The following RHOH variants were observed in gnomAD, a reference collection of about 807,000 sequenced individuals.
The protein encoded by RHOH is rho-related GTP-binding protein RhoH.
Under a neutral mutation model 13.8 loss-of-function variants are expected in RHOH, and 6 were observed. The observed-to-expected ratio is 0.44, with a 90% CI of 0.24 to 0.86. The LOEUF (loss-of-function observed/expected upper bound fraction) is 0.86. Ranked by LOEUF, RHOH falls within the 40% of genes least tolerant of loss-of-function variation. The pLI is 0.24. For synonymous variants in RHOH, 117 were observed against 103.0 expected, an observed-to-expected ratio of 1.14 and a Z score of -0.82; for missense variants, 147 against 244.5, an observed-to-expected ratio of 0.60 and a Z score of 2.66.
chr4:40,228,571 G>A (rs781591389), intron 1 of RHOH, among the ~76,000 whole-genome samples: 1 of 152,054 alleles, frequency 6.6e-6, no homozygotes, highest in Non-Finnish European at 1.5e-5. Flanking sequence ...GGTTGGGGAT[G>A]GGGGGAACCT....
At chr4:40,206,315 T>C (rs1724631582) in intron 1 of RHOH, among the ~76,000 whole-genome samples, 1 of 152,196 alleles carries the variant, frequency 6.6e-6, no homozygotes, top group Non-Finnish European at 1.5e-5. Flanking sequence ...CTCCCTTTCT[T>C]GCATTTTTTT....
intron 1 of RHOH, among the ~76,000 whole-genome samples, chr4:40,222,219 G>A (rs1022259746): frequency 6.6e-6 from 1 of 152,202 alleles, no homozygotes; most frequent in African/African-American, 2.4e-5. Context: ...TTATCCAGAA[G>A]ATCTAGCTAA....
At chr4:40,204,394 C>T (rs1053639782) in intron 1 of RHOH, among the ~76,000 whole-genome samples, 10 of 152,236 alleles carry the variant, frequency 6.6e-5, no homozygotes, top group Non-Finnish European at 1.0e-4. Context: ...TCTACAAGCA[C>T]GCGCTGACTA....
chr4:40,213,360 C>CTTT (rs11358011), intron 1 of RHOH, among the ~76,000 whole-genome samples: 2 of 144,008 alleles, frequency 1.4e-5, no homozygotes, highest in Non-Finnish European at 1.5e-5. Context: ...TCTCGTTTCT[C>CTTT]TTTTTTTTTT....
intron 1 of RHOH, among the ~76,000 whole-genome samples, chr4:40,199,179 G>A (rs1281542516): frequency 2.0e-5 from 3 of 152,084 alleles, no homozygotes; most frequent in Non-Finnish European, 4.4e-5. Context: ...GGTTGTCGTA[G>A]AGATCAAATG....
intron 1 of RHOH, among the ~76,000 whole-genome samples, chr4:40,226,540 A>T (rs2381504): frequency 7.2e-6 from 1 of 138,002 alleles, no homozygotes. Flanking sequence ...AAAAAAAAAA[A>T]AAAAAGAAAA....
rs113704722 is a variant in RHOH at position 40,234,829 on chromosome 4, G to A, written c.-330-7885G>A. ...GGCATTGAACTCCTGGCCTCAAGTG[G>A]TCCTTCCACATCAGCCTCCCAAAGC... is the stretch of plus-strand genomic sequence containing the variant. On this transcript the variant is annotated intron_variant, in intron 1 of 2. Transcript: ENST00000381799. Among the ~76,000 whole-genome samples the A allele has an allele frequency of 6.9e-5, 10 of 144,734 alleles. 1 individual carries two copies. The highest frequency in any genetic ancestry group is 2.9e-4 in the Admixed American group (4 of 13,820). 95.0% of individuals were successfully genotyped at this position (144,734 alleles called of 152,430 possible).
chr4:40,225,386 T>C (rs1251205794), intron 1 of RHOH, among the ~76,000 whole-genome samples: 2 of 152,050 alleles, frequency 1.3e-5, no homozygotes, highest in African/African-American at 4.8e-5. Context: ...ACACCTGACC[T>C]GAATGATTTT....
chr4:40,209,720 G>T (rs1352037050), intron 1 of RHOH: 1 of 152,062 alleles, frequency 6.6e-6, no homozygotes, highest in Non-Finnish European at 1.5e-5. Context: ...GGGATTACAG[G>T]CCTGAGCCAT....
upstream of RHOH, among the ~76,000 whole-genome samples, chr4:40,196,524 C>T (rs1170894047): frequency 6.6e-6 from 1 of 152,138 alleles, no homozygotes; most frequent in South Asian, 2.1e-4. Flanking sequence ...GGGGGCTGCT[C>T]GAACTCTCAC....
At chr4:40,238,819 C>T (rs1728912577) in intron 1 of RHOH, among the ~76,000 whole-genome samples, 1 of 152,200 alleles carries the variant, frequency 6.6e-6, no homozygotes, top group African/African-American at 2.4e-5. Context: ...CAGTTAGCCA[C>T]TTGGGAAATA....
At chr4:40,211,201 G>A (rs1275899710) in intron 1 of RHOH, among the ~76,000 whole-genome samples, 10 of 152,072 alleles carry the variant, frequency 6.6e-5, no homozygotes, top group Admixed American at 3.9e-4. Context: ...GGTATGTTTT[G>A]TAAGTTGAAT....
intron 1 of RHOH, among the ~76,000 whole-genome samples, chr4:40,226,631 C>A (rs1727283942): frequency 6.6e-6 from 1 of 152,102 alleles, no homozygotes; most frequent in African/African-American, 2.4e-5. Flanking sequence ...GCCTTACACA[C>A]TGAAACTAAA....
intron 1 of RHOH, among the ~76,000 whole-genome samples, chr4:40,220,956 T>G (rs1401072288): frequency 6.6e-6 from 1 of 152,246 alleles, no homozygotes; most frequent in Non-Finnish European, 1.5e-5. Context: ...TATGTATCTA[T>G]AATATTATCT....
rs1332499096 is a variant in RHOH at position 40,246,671 on chromosome 4, C to T, written c.*2709C>T. On this transcript the variant is annotated 3_prime_UTR_variant, in exon 3 of 3. Coordinates refer to ENST00000381799, the MANE Select transcript of RHOH (RefSeq NM_004310.5). ...GCAATGGAGGTAAAGTTGTGTTAAA[C>T]TGAAATGGAGAGAAAGACAGTAATT... 1 of 152,276 alleles carries T rather than the reference C, an allele frequency of 6.6e-6. No homozygotes were observed. Among genetic ancestry groups the T allele is most frequent in the Non-Finnish European group, 1.5e-5 (1 of 68,106 alleles). 9.4% of individuals were successfully genotyped at this position (152,276 alleles called of 1,614,324 possible).
rs149384586 is a variant in RHOH, at chr4:40,228,570, T to C, written c.-330-14144T>C. 3.3e-5 allele frequency among the ~76,000 whole-genome samples: 5 copies of C among 152,152 alleles called. No individual in the cohort carries two copies. In the East Asian group the frequency reaches 9.7e-4, roughly 29 times the overall value. On this transcript the variant is annotated intron_variant, in intron 1 of 2. Coordinates refer to ENST00000381799, the MANE Select transcript of RHOH (RefSeq NM_004310.5). ...TGGTTGGTGGTTCTGGGGTTGGGGA[T>C]GGGGGGAACCTTGAGATGTGATGGT...
At chr4:40,200,545 C>T (rs1369377801) in intron 1 of RHOH, 1 of 152,188 alleles carries the variant, frequency 6.6e-6, no homozygotes, top group Admixed American at 6.5e-5. Context: ...CCAGAACTCT[C>T]CTACCAGGGC....
intron 1 of RHOH, among the ~76,000 whole-genome samples, chr4:40,201,385 G>A (rs964588596): frequency 1.1e-4 from 16 of 151,826 alleles, no homozygotes; most frequent in African/African-American, 3.9e-4. Flanking sequence ...AAAAAGATGT[G>A]CTGTTGCAAA....
In RHOH at chr4:40,237,095, A is replaced by G. The variant is rs138972791; in HGVS notation, c.-330-5619A>G. ...GGTTTTGGAGTGAAAAAGTTTAGAG[A>G]TGGTTACACCTTTTTTTTCTAAAGT... is the stretch of plus-strand genomic sequence containing the variant. On this transcript the variant is annotated intron_variant, in intron 1 of 2. Transcript: ENST00000381799. Among the ~76,000 whole-genome samples, 734 of 152,316 alleles carry G rather than the reference A, an allele frequency of 4.8e-3. 6 individuals are homozygous for G. In the Middle Eastern group the frequency reaches 0.051, roughly 11 times the overall value.
Sources: allele counts gnomAD v4.1 joint callset (sites outside exome capture counted in the v4.1 genomes callset), GRCh38; gene constraint gnomAD v4.1.1; transcripts MANE v1.5; gene names NCBI Gene and HGNC (gene_info 2026-07-23, HGNC 2026-07-21).